Variants in ZNF680 observed in about 807,000 individuals in gnomAD.
The protein encoded by ZNF680 is zinc finger protein 680.
A neutral mutation model predicts 12.1 loss-of-function variants in ZNF680; 6 were observed. That is an observed-to-expected ratio of 0.49 (90% CI 0.27 to 0.98). The LOEUF is 0.98. Among genes scored for constraint, ZNF680 ranks in the 50% least tolerant of loss-of-function variants. The pLI is 0.12. For missense variants in ZNF680, 561 were observed against 616.3 expected, an observed-to-expected ratio of 0.91 and a Z score of 0.95; for synonymous variants, 170 against 199.3, an observed-to-expected ratio of 0.85 and a Z score of 1.24.
At position 64,522,264 on chromosome 7, in the gene ZNF680, G is replaced by C. The variant is rs1160933832; in HGVS notation, c.490C>G (p.His164Asp). ...TGACTGTTTGAATTTGAAAATTTAT[G>C]AAAGACTTTCACGTATTTATCACAT... Reference protein sequence around the residue: ...FQCDKYVKVFHKFSNSNSHKK... With the variant: ...FQCDKYVKVFDKFSNSNSHKK... The change falls in exon 4 of 4, where the codon CAT (histidine) becomes GAT (aspartate). Residue 164 changes from histidine (H) to aspartate (D), a missense_variant. Physicochemically the swap from His to Asp is moderately conservative, Grantham distance 81 (BLOSUM62 -1). Transcript: ENST00000309683. 2 of 1,612,716 alleles carry C rather than the reference G, an allele frequency of 1.2e-6. No individual in the cohort carries two copies. Among genetic ancestry groups the C allele is most frequent in the Non-Finnish European group, 1.7e-6 (2 of 1,179,366 alleles).
chr7:64,508,147 A>ATATATATATATATATATAC, the ZNF680 span, among the ~76,000 whole-genome samples: 1 of 135,388 alleles, frequency 7.4e-6, no homozygotes, highest in African/African-American at 3.0e-5. Flanking sequence ...ATATATACAT[A>ATATATATATATATATATAC]ATTTTTTTTT....
intron 1 of ZNF680, among the ~76,000 whole-genome samples, chr7:64,544,982 G>C (rs1487641631): frequency 6.6e-6 from 1 of 152,122 alleles, no homozygotes; most frequent in Non-Finnish European, 1.5e-5. Context: ...GTGTTGGCCA[G>C]GCATGGTGGC....
intron 1 of ZNF680, among the ~76,000 whole-genome samples, 191 bp downstream of exon 1, chr7:64,562,734 C>T (rs1389813876): frequency 2.0e-5 from 3 of 152,234 alleles, no homozygotes; most frequent in Non-Finnish European, 4.4e-5. Flanking sequence ...AGACATGACG[C>T]CCGGGGTCCG....
rs544615828 is a variant in ZNF680, at chr7:64,558,961, G to C, written c.30+3964C>G. ...GGGAGGGGAAGAAAAAAGGCCGGGT[G>C]GGGGAAACAAGAGGGAGTGTAGGTG... is the stretch of plus-strand genomic sequence containing the variant. On this transcript the variant is annotated intron_variant, in intron 1 of 3. Transcript: ENST00000309683. Among the ~76,000 whole-genome samples, 11 of 152,064 alleles carry C rather than the reference G, an allele frequency of 7.2e-5. No homozygotes were observed. In the South Asian group the frequency reaches 2.3e-3, roughly 32 times the overall value.
chr7:64,509,948 G>A, the ZNF680 span, among the ~76,000 whole-genome samples: 1 of 147,698 alleles, frequency 6.8e-6, no homozygotes, highest in Non-Finnish European at 1.5e-5. Context: ...TTCTAGATGA[G>A]CAACAGACCA....
At chr7:64,525,640 T>C in intron 3 of ZNF680, 1 of 508,958 alleles carries the variant, frequency 2.0e-6, no homozygotes, top group Non-Finnish European at 2.5e-6. Context: ...ATAATAGGAC[T>C]AAAATAAACA....
chr7:64,537,720 G>T (rs1786245624), intron 3 of ZNF680, among the ~76,000 whole-genome samples: 1 of 152,154 alleles, frequency 6.6e-6, no homozygotes, highest in East Asian at 1.9e-4. Flanking sequence ...AAGGTCAGGA[G>T]ATCGAGACCA....
chr7:64,541,682 C>G (rs956769074), intron 3 of ZNF680, among the ~76,000 whole-genome samples: 1 of 152,126 alleles, frequency 6.6e-6, no homozygotes, highest in African/African-American at 2.4e-5. Flanking sequence ...GGCTGCAGAC[C>G]AGGAAATGGC....
the ZNF680 span, among the ~76,000 whole-genome samples, chr7:64,506,743 T>C: frequency 6.6e-6 from 1 of 152,324 alleles, no homozygotes; most frequent in South Asian, 2.1e-4. Flanking sequence ...TTTTTTATTG[T>C]TGTACTCAAG....
At chr7:64,530,063 A>G (rs921379465) in intron 3 of ZNF680, among the ~76,000 whole-genome samples, 1 of 152,220 alleles carries the variant, frequency 6.6e-6, no homozygotes, top group Admixed American at 6.5e-5. Context: ...AGCATCACAT[A>G]TGAAGGAAAG....
intron 1 of ZNF680, among the ~76,000 whole-genome samples, chr7:64,553,879 A>C (rs1171417314): frequency 1.3e-5 from 2 of 152,076 alleles, no homozygotes; most frequent in African/African-American, 4.8e-5. Flanking sequence ...AGTCTCGCTC[A>C]CTCAGTGCTC....
the ZNF680 span, chr7:64,501,722 A>T: frequency 3.0e-6 from 3 of 992,512 alleles, no homozygotes; most frequent in African/African-American, 4.8e-5. Flanking sequence ...GGCAAAAATG[A>T]CTCTTAAGCA....
At chr7:64,559,256 C>A (rs1024825554) in intron 1 of ZNF680, among the ~76,000 whole-genome samples, 1 of 152,160 alleles carries the variant, frequency 6.6e-6, no homozygotes, top group African/African-American at 2.4e-5. Context: ...TTTCCTTCCA[C>A]ATATATCTGC....
At chr7:64,523,714 C>A (rs1033764163) in intron 3 of ZNF680, among the ~76,000 whole-genome samples, 4 of 151,824 alleles carry the variant, frequency 2.6e-5, no homozygotes, top group African/African-American at 9.7e-5. Context: ...AAGATTGAGA[C>A]CATCCTGGCT....
intron 3 of ZNF680, among the ~76,000 whole-genome samples, chr7:64,537,219 G>A (rs1326770148): frequency 1.3e-5 from 2 of 152,154 alleles, no homozygotes; most frequent in Admixed American, 6.5e-5. Flanking sequence ...GGGTGTAGTG[G>A]CTCAAATGTG....
chr7:64,554,458 G>A (rs1165305919), intron 1 of ZNF680, among the ~76,000 whole-genome samples: 2 of 151,682 alleles, frequency 1.3e-5, no homozygotes, highest in African/African-American at 2.4e-5. Context: ...GAGGTGGGGG[G>A]GCGCCTCTGA....
chr7:64,523,689 G>A (rs901760338), intron 3 of ZNF680, among the ~76,000 whole-genome samples: 40 of 152,110 alleles, frequency 2.6e-4, no homozygotes, highest in East Asian at 1.7e-3. Context: ...CGAGGCGGGC[G>A]GATCACGAGG....
chr7:64,554,293 G>A (rs1316044560), intron 1 of ZNF680, among the ~76,000 whole-genome samples: 1 of 151,974 alleles, frequency 6.6e-6, no homozygotes, highest in African/African-American at 2.4e-5. Flanking sequence ...TCTGGGAAGT[G>A]AGGAGCGTCT....
chr7:64,518,706 G>T (rs1791404755), downstream of ZNF680, among the ~76,000 whole-genome samples: 1 of 151,980 alleles, frequency 6.6e-6, no homozygotes, highest in Non-Finnish European at 1.5e-5. Context: ...ACAGCCAACA[G>T]ATTTTTGACA....
Sources: gnomAD v4.1 joint callset for allele counts (sites outside exome capture counted in the v4.1 genomes callset) on GRCh38, gnomAD v4.1.1 for gene constraint, MANE v1.5 for transcripts, NCBI Gene and HGNC (gene_info 2026-07-23, HGNC 2026-07-21) for gene names.